FAM169A: variants seen among roughly 807,000 people sequenced by gnomAD.
FAM169A encodes the protein soluble lamin-associated protein of 75 kDa.
FAM169A carries 24 observed loss-of-function variants against 75.7 expected under a neutral mutation model. The ratio of observed to expected loss-of-function variants is 0.32; its 90% CI spans 0.23 to 0.45. The LOEUF is 0.45. FAM169A is among the 20% of genes least tolerant of loss of function. The pLI, the probability that FAM169A is intolerant of heterozygous loss-of-function variation, is 1.00. For missense variants in FAM169A, 673 were observed against 784.0 expected, an observed-to-expected ratio of 0.86 and a Z score of 1.69; for synonymous variants, 271 against 271.0, an observed-to-expected ratio of 1.00 and a Z score of 0.00.
intron 1 of FAM169A, among the ~76,000 whole-genome samples, chr5:74,843,482 G>C (rs1294343451): frequency 6.6e-6 from 1 of 152,142 alleles, no homozygotes; most frequent in Non-Finnish European, 1.5e-5. Flanking sequence ...ACAGGCATGT[G>C]AATCAACAAA....
At chr5:74,789,026 A>G (rs1038496244) in intron 11 of FAM169A, among the ~76,000 whole-genome samples, 2 of 152,242 alleles carry the variant, frequency 1.3e-5, no homozygotes, top group African/African-American at 2.4e-5. Context: ...ATTCCTGTCC[A>G]TAAGGCCCAC....
chr5:74,786,621 G>A (rs1745707861), intron 11 of FAM169A, among the ~76,000 whole-genome samples: 1 of 152,154 alleles, frequency 6.6e-6, no homozygotes, highest in East Asian at 1.9e-4. Context: ...CTGCTCCTAA[G>A]TTCACTGGAC....
intron 11 of FAM169A, 127 bp from the exon 12 acceptor site, chr5:74,783,261 A>G (rs1201181531): frequency 1.7e-5 from 11 of 648,962 alleles, no homozygotes; most frequent in Non-Finnish European, 2.7e-5. Flanking sequence ...ATTATAGGAC[A>G]TGGGTTAAAG....
Position 74,809,885 on chromosome 5 carries a change from T to TA in FAM169A, c.670+3954dup, listed in dbSNP as rs572120129. Among the ~76,000 whole-genome samples, 35 of 152,314 alleles carry TA rather than the reference T, an allele frequency of 2.3e-4. No individual in the cohort carries two copies. The South Asian group carries it at 7.0e-3, about 31-fold the overall frequency. On this transcript the variant is annotated intron_variant, in intron 6 of 12. Coordinates refer to ENST00000687041, the MANE Select transcript of FAM169A (RefSeq NM_001376049.1). ...AACCAGAACTTCCACATATTTATACTAACGGGAATGCGAAATGACATAACT... is the reference window on the plus strand; with the variant it reads ...AACCAGAACTTCCACATATTTATACTAAACGGGAATGCGAAATGACATAACT...
chr5:74,799,071 T>A, intron 10 of FAM169A: 1 of 1,007,944 alleles, frequency 9.9e-7, no homozygotes, highest in South Asian at 1.3e-5. Context: ...TTGCCCTCAG[T>A]GTCAATAATC....
rs1745198815 is a variant in FAM169A, at chr5:74,777,816, T to G, written c.*3644A>C. The G allele has an allele frequency of 6.6e-6, 1 of 151,998 alleles. No homozygotes were observed. The highest frequency in any genetic ancestry group is 1.5e-5 in the Non-Finnish European group (1 of 67,920). 9.4% of individuals were successfully genotyped at this position (151,998 alleles called of 1,614,324 possible). A position where few individuals can be genotyped will look rare whatever the true frequency, so the allele number is the denominator to read the frequency against. ...TAAAAACCAAGAAAACAAACATAGG[T>G]ACTCCAGTAAGACTTGCTACTCTGA... is the stretch of plus-strand genomic sequence containing the variant. On this transcript the variant is annotated 3_prime_UTR_variant, in exon 13 of 13. Transcript: ENST00000687041.
At chr5:74,803,916 T>C (rs768444809) in intron 8 of FAM169A, among the ~76,000 whole-genome samples, 7 of 152,188 alleles carry the variant, frequency 4.6e-5, no homozygotes, top group Non-Finnish European at 1.0e-4. Context: ...GATTCATATA[T>C]AAATGTGTTT....
At chr5:74,800,809 G>T (rs1222985599) in intron 10 of FAM169A, 71 bp downstream of exon 10, 2 of 594,234 alleles carry the variant, frequency 3.4e-6, no homozygotes, top group South Asian at 7.5e-5. Flanking sequence ...ATTAAATATT[G>T]ATAATATAAA....
chr5:74,822,675 T>G (rs1747822648), intron 5 of FAM169A, among the ~76,000 whole-genome samples: 1 of 152,220 alleles, frequency 6.6e-6, no homozygotes, highest in Admixed American at 6.5e-5. Flanking sequence ...TAAAATTACT[T>G]TAAGTATTCT....
intron 4 of FAM169A, among the ~76,000 whole-genome samples, 163 bp downstream of exon 4, chr5:74,838,802 G>A (rs74432162): frequency 0.059 from 8,923 of 152,244 alleles, 328 homozygotes; most frequent in Non-Finnish European, 0.085. Flanking sequence ...AAAAATGGAG[G>A]AAGCCCAACC....
intron 6 of FAM169A, among the ~76,000 whole-genome samples, chr5:74,808,480 AG>A (rs1747003225): frequency 6.6e-6 from 1 of 152,168 alleles, no homozygotes; most frequent in Non-Finnish European, 1.5e-5. Context: ...AGATGGGGGT[AG>A]GGGAAAAGGG....
intron 5 of FAM169A, among the ~76,000 whole-genome samples, chr5:74,826,715 C>T (rs1177103286): frequency 6.6e-6 from 1 of 152,134 alleles, no homozygotes; most frequent in African/African-American, 2.4e-5. Context: ...ATACCCTTCA[C>T]CCTAATGTTA....
chr5:74,790,984 C>A (rs911846915), intron 11 of FAM169A, among the ~76,000 whole-genome samples: 2 of 152,202 alleles, frequency 1.3e-5, no homozygotes, highest in Admixed American at 6.5e-5. Flanking sequence ...AAGACTACCA[C>A]CCGTGGACTC....
chr5:74,799,397 A>G lies in FAM169A; in HGVS notation c.1103+1483T>C. 6 of 1,613,270 alleles carry G rather than the reference A, an allele frequency of 3.7e-6. No homozygotes were observed. In the South Asian group the frequency reaches 6.6e-5, roughly 18 times the overall value. ...TCTGAAAATGACTGGTGGGTGAGCA[A>G]GCACATTAAAAAGCTGATTCGCTCC... On this transcript the variant is annotated intron_variant, in intron 10 of 12. Transcript: ENST00000687041.
chr5:74,789,026 A>C (rs1038496244), intron 11 of FAM169A, among the ~76,000 whole-genome samples: 1 of 152,242 alleles, frequency 6.6e-6, no homozygotes, highest in African/African-American at 2.4e-5. Context: ...ATTCCTGTCC[A>C]TAAGGCCCAC....
intron 6 of FAM169A, among the ~76,000 whole-genome samples, chr5:74,809,512 C>T (rs79507216): frequency 0.085 from 12,933 of 152,118 alleles, 687 homozygotes; most frequent in Admixed American, 0.17. Context: ...AGGAGAATGG[C>T]GTGAACATGG....
intron 7 of FAM169A, 112 bp downstream of exon 7, chr5:74,805,043 TA>T: frequency 1.2e-6 from 1 of 860,738 alleles, no homozygotes; most frequent in Non-Finnish European, 1.9e-6. Flanking sequence ...CTCTGGACTC[TA>T]AGACACAACC....
intron 1 of FAM169A, among the ~76,000 whole-genome samples, chr5:74,846,179 G>C (rs1580159765): frequency 6.6e-6 from 1 of 152,296 alleles, no homozygotes; most frequent in Non-Finnish European, 1.5e-5. Flanking sequence ...GCTAGATGAG[G>C]CTCAAGGATT....
chr5:74,859,586 C>T (rs994144276), intron 1 of FAM169A, among the ~76,000 whole-genome samples: 2 of 152,204 alleles, frequency 1.3e-5, no homozygotes, highest in Admixed American at 6.5e-5. Flanking sequence ...CCACGCCCGG[C>T]GAAGGTTTTC....
Sources: gnomAD v4.1 joint callset for allele counts (sites outside exome capture counted in the v4.1 genomes callset) on GRCh38, gnomAD v4.1.1 for gene constraint, MANE v1.5 for transcripts, NCBI Gene and HGNC (gene_info 2026-07-23, HGNC 2026-07-21) for gene names.